MTUS2: variants seen among roughly 807,000 people sequenced by gnomAD.
The protein encoded by MTUS2 is microtubule associated scaffold protein 2.
MTUS2 carries 40 observed loss-of-function variants against 114.1 expected under a neutral mutation model. The observed-to-expected ratio is 0.35, with a 90% confidence interval of 0.27 to 0.46. The LOEUF (loss-of-function observed/expected upper bound fraction) is 0.46. MTUS2 is among the 20% of genes least tolerant of loss of function. The pLI is 1.00. For synonymous variants in MTUS2, 688 were observed against 672.0 expected (o/e 1.02, Z -0.37); for missense variants, 1,679 against 1,705.4 (o/e 0.98, Z 0.27).
At chr13:29,249,173 T>G (rs902399912) in intron 5 of MTUS2, among the ~76,000 whole-genome samples, 1 of 152,012 alleles carries the variant, frequency 6.6e-6, no homozygotes. Flanking sequence ...TTTTTTTTAG[T>G]AGAGATGGGG....
At chr13:29,333,616 C>A (rs548366559) in intron 7 of MTUS2, among the ~76,000 whole-genome samples, 3 of 152,108 alleles carry the variant, frequency 2.0e-5, no homozygotes. Context: ...ATTATGTGGT[C>A]AATTATAGAA....
chr13:29,074,630 T>G (rs536680425), intron 4 of MTUS2, among the ~76,000 whole-genome samples: 21 of 152,184 alleles, frequency 1.4e-4, no homozygotes, highest in Non-Finnish European at 2.8e-4. Flanking sequence ...TTTCTAAGCT[T>G]CTGTGCTCCT....
At chr13:29,288,733 G>A (rs1233431837) in intron 6 of MTUS2, among the ~76,000 whole-genome samples, 3 of 152,068 alleles carry the variant, frequency 2.0e-5, no homozygotes, top group African/African-American at 2.4e-5. Context: ...TGGATTCTGG[G>A]GGAGTTTTGG....
intron 4 of MTUS2, among the ~76,000 whole-genome samples, chr13:29,079,388 C>T (rs1889342645): frequency 6.6e-6 from 1 of 151,676 alleles, no homozygotes; most frequent in Non-Finnish European, 1.5e-5. Context: ...TGATAGTGTC[C>T]TTTGAAGCAC....
chr13:29,334,328 T>C (rs1442175955), intron 7 of MTUS2, among the ~76,000 whole-genome samples: 1 of 152,212 alleles, frequency 6.6e-6, no homozygotes, highest in African/African-American at 2.4e-5. Context: ...TGGTATGTTT[T>C]TGCAGTTGCT....
intron 5 of MTUS2, among the ~76,000 whole-genome samples, chr13:29,273,243 A>G (rs1400309607): frequency 6.6e-6 from 1 of 152,136 alleles, no homozygotes; most frequent in Non-Finnish European, 1.5e-5. Context: ...ACTGAGTATC[A>G]CCCTCCTTAC....
intron 2 of MTUS2, among the ~76,000 whole-genome samples, chr13:28,892,434 T>A (rs1422536746): frequency 2.0e-4 from 30 of 152,150 alleles, no homozygotes; most frequent in Non-Finnish European, 1.0e-4. Flanking sequence ...ACTGAGGTTA[T>A]CCTTTTAGAA....
chr13:28,998,515 C>T (rs1024900072), intron 2 of MTUS2, among the ~76,000 whole-genome samples: 15 of 152,212 alleles, frequency 9.9e-5, no homozygotes, highest in African/African-American at 3.1e-4. Flanking sequence ...CTGCCCGTCA[C>T]TTTCAGGTAC....
At chr13:28,909,736 A>T (rs1312221368) in intron 2 of MTUS2, among the ~76,000 whole-genome samples, 1 of 152,124 alleles carries the variant, frequency 6.6e-6, no homozygotes, top group Non-Finnish European at 1.5e-5. Context: ...AGGAAGTCAA[A>T]TTGTCCCTGT....
intron 5 of MTUS2, among the ~76,000 whole-genome samples, chr13:29,242,282 A>G (rs1218672434): frequency 6.6e-6 from 1 of 152,060 alleles, no homozygotes; most frequent in Non-Finnish European, 1.5e-5. Flanking sequence ...CTGTCTATCA[A>G]TTTGCCTTTT....
At chr13:29,423,684 C>T (rs1213316743) in intron 8 of MTUS2, among the ~76,000 whole-genome samples, 1 of 152,146 alleles carries the variant, frequency 6.6e-6, no homozygotes, top group Non-Finnish European at 1.5e-5. Flanking sequence ...CATTGGGTAC[C>T]ATTTCCACAG....
At chr13:29,092,180 A>G (rs898569460) in intron 4 of MTUS2, among the ~76,000 whole-genome samples, 1 of 152,236 alleles carries the variant, frequency 6.6e-6, no homozygotes, top group Non-Finnish European at 1.5e-5. Context: ...CTACAAGTCA[A>G]ACCCATGGAA....
chr13:29,321,030 A>ACAGTGTTT (rs1442462198), intron 6 of MTUS2, among the ~76,000 whole-genome samples: 3 of 152,216 alleles, frequency 2.0e-5, no homozygotes, highest in Non-Finnish European at 2.9e-5. Context: ...CATTTGGGGA[A>ACAGTGTTT]CAGTGTTTTT....
chr13:29,452,594 G>A (rs1271394524), intron 9 of MTUS2, among the ~76,000 whole-genome samples: 63 of 140,754 alleles, frequency 4.5e-4, no homozygotes, highest in African/African-American at 1.4e-3. Flanking sequence ...GTGTGTGTGT[G>A]TGTGTGTGTG....
At chr13:29,218,471 A>G (rs1251654889) in intron 5 of MTUS2, among the ~76,000 whole-genome samples, 1 of 152,194 alleles carries the variant, frequency 6.6e-6, no homozygotes. Context: ...AATGTTCTTA[A>G]TGGTTTCTAG....
At chr13:29,058,483 TG>T (rs1354622962) in intron 4 of MTUS2, among the ~76,000 whole-genome samples, 2 of 151,770 alleles carry the variant, frequency 1.3e-5, no homozygotes, top group Non-Finnish European at 2.9e-5. Context: ...TCTTCTTTAT[TG>T]TTTTCTTTTT....
chr13:29,093,303 C>T (rs1044091217), intron 4 of MTUS2, among the ~76,000 whole-genome samples: 4 of 151,952 alleles, frequency 2.6e-5, no homozygotes, highest in Non-Finnish European at 4.4e-5. Context: ...ATTAGCTGGG[C>T]GTGGTGGTGC....
At chr13:28,995,516 T>A (rs1280255389) in intron 2 of MTUS2, among the ~76,000 whole-genome samples, 4 of 152,300 alleles carry the variant, frequency 2.6e-5, no homozygotes, top group Admixed American at 6.5e-5. Flanking sequence ...ACGATATTGA[T>A]TCTTCCTACC....
At chr13:29,204,015 A>G (rs971442414) in intron 5 of MTUS2, among the ~76,000 whole-genome samples, 2 of 151,216 alleles carry the variant, frequency 1.3e-5, no homozygotes, top group South Asian at 4.2e-4. Flanking sequence ...GCTGGAGTGC[A>G]GTGGCATGAT....
Sources: gnomAD v4.1 joint callset for allele counts (sites outside exome capture counted in the v4.1 genomes callset) on GRCh38, gnomAD v4.1.1 for gene constraint, MANE v1.5 for transcripts, NCBI Gene and HGNC (gene_info 2026-07-23, HGNC 2026-07-21) for gene names.